Variants in CCSER1 observed in about 807,000 individuals in gnomAD.
The protein encoded by CCSER1 is serine-rich coiled-coil domain-containing protein 1.
Under a neutral mutation model 82.0 loss-of-function variants are expected in CCSER1, and 41 were observed. The ratio of observed to expected loss-of-function variants is 0.50; its 90% CI spans 0.39 to 0.65. The LOEUF is 0.65. CCSER1 is among the 30% of genes least tolerant of loss of function. CCSER1 has a pLI of 0.00. For synonymous variants in CCSER1, 414 were observed against 383.9 expected, an observed-to-expected ratio of 1.08 and a Z score of -0.92; for missense variants, 1,119 against 1,064.2, an observed-to-expected ratio of 1.05 and a Z score of -0.72.
At chr4:90,814,920 C>T (rs1293304521) in intron 7 of CCSER1, among the ~76,000 whole-genome samples, 1 of 152,148 alleles carries the variant, frequency 6.6e-6, no homozygotes, top group Non-Finnish European at 1.5e-5. Context: ...CAACCTCTGC[C>T]CATTACCCAG....
chr4:90,895,426 TG>T (rs1723562439), intron 8 of CCSER1, among the ~76,000 whole-genome samples: 3 of 152,042 alleles, frequency 2.0e-5, no homozygotes, highest in African/African-American at 7.2e-5. Flanking sequence ...TACAAGAGAT[TG>T]GTAACATTAG....
chr4:90,729,912 A>C (rs1365447490), intron 7 of CCSER1, among the ~76,000 whole-genome samples: 1 of 152,092 alleles, frequency 6.6e-6, no homozygotes, highest in African/African-American at 2.4e-5. Flanking sequence ...TAAAATAACA[A>C]AAGAACATAT....
intron 4 of CCSER1, among the ~76,000 whole-genome samples, chr4:90,413,787 CAA>C (rs546585733): frequency 1.4e-5 from 2 of 138,550 alleles, no homozygotes; most frequent in Non-Finnish European, 3.1e-5. Flanking sequence ...ACTAAAAATA[CAA>C]AAAAAAAAAA....
At position 91,602,750 on chromosome 4, in the gene CCSER1, A is replaced by C. The variant is rs1053797383; in HGVS notation, c.*3693A>C. 6.6e-6 allele frequency among the ~76,000 whole-genome samples: 1 copy of C among 152,056 alleles called. No individual in the cohort carries two copies. Among genetic ancestry groups the C allele is most frequent in the Non-Finnish European group, 1.5e-5 (1 of 67,954 alleles). Reference sequence around the variant, plus strand: ...GAAACTAGAAAAGAAAGGGCAATACATGTGAAGATGATATCTATGATTGCC... The same window carrying C: ...GAAACTAGAAAAGAAAGGGCAATACCTGTGAAGATGATATCTATGATTGCC... On this transcript the variant is annotated 3_prime_UTR_variant, in exon 11 of 11. Coordinates refer to ENST00000509176, the MANE Select transcript of CCSER1 (RefSeq NM_001145065.2).
intron 1 of CCSER1, among the ~76,000 whole-genome samples, chr4:90,205,190 C>G (rs758278120): frequency 1.3e-5 from 2 of 152,182 alleles, no homozygotes; most frequent in Non-Finnish European, 1.5e-5. Flanking sequence ...TTATTTCTTT[C>G]TCTTGCCTGA....
intron 1 of CCSER1, among the ~76,000 whole-genome samples, chr4:90,246,926 C>T (rs904569168): frequency 1.3e-4 from 19 of 151,880 alleles, no homozygotes; most frequent in Admixed American, 9.2e-4. Context: ...AAACACTTTG[C>T]GGCTTCTCTT....
intron 8 of CCSER1, chr4:90,918,193 G>A (rs1415127465): frequency 2.2e-6 from 1 of 448,512 alleles, no homozygotes; most frequent in African/African-American, 2.0e-5. Flanking sequence ...TCTGTTAATT[G>A]TATTAATTAA....
rs115491909 is a variant in CCSER1, at chr4:90,385,056, A to G, written c.1510-14980A>G. ...TTCTATCCATGTTGTTGCAAAAGAC[A>G]TTATTTCATTCTTTTTTATGGATGA... On this transcript the variant is annotated intron_variant, in intron 3 of 10. Transcript: ENST00000509176. Among the ~76,000 whole-genome samples, 352 of 152,292 alleles carry G rather than the reference A, an allele frequency of 2.3e-3. 4 individuals carry two copies. The South Asian group carries it at 0.026, about 11-fold the overall frequency.
At position 91,155,068 on chromosome 4, in the gene CCSER1, A is replaced by G. The variant is rs186471055; in HGVS notation, c.2217+69074A>G. Reference sequence around the variant, plus strand: ...AAATCCTAAAACCTAGAGGCTTAAAAGAATATCCCATAATTCTTTGGGCTT... The same window carrying G: ...AAATCCTAAAACCTAGAGGCTTAAAGGAATATCCCATAATTCTTTGGGCTT... On this transcript the variant is annotated intron_variant, in intron 10 of 10. Coordinates refer to ENST00000509176, the MANE Select transcript of CCSER1 (RefSeq NM_001145065.2). 4.6e-5 allele frequency among the ~76,000 whole-genome samples: 7 copies of G among 152,028 alleles called. No individual in the cohort carries two copies. In the East Asian group the frequency reaches 1.4e-3, roughly 29 times the overall value.
At chr4:91,336,756 A>G (rs981304772) in intron 10 of CCSER1, among the ~76,000 whole-genome samples, 6 of 152,078 alleles carry the variant, frequency 3.9e-5, no homozygotes, top group Non-Finnish European at 8.8e-5. Flanking sequence ...TAACAAAAAC[A>G]TTACTTTTAT....
intron 5 of CCSER1, among the ~76,000 whole-genome samples, chr4:90,571,244 A>G (rs778802216): frequency 1.3e-5 from 2 of 152,204 alleles, no homozygotes; most frequent in Non-Finnish European, 2.9e-5. Context: ...TACCCAAAGG[A>G]AAATAAATTG....
intron 7 of CCSER1, among the ~76,000 whole-genome samples, chr4:90,784,231 C>G (rs1026604965): frequency 6.6e-6 from 1 of 152,112 alleles, no homozygotes; most frequent in Admixed American, 6.5e-5. Flanking sequence ...TTCATATGCA[C>G]GTGACTAGCT....
intron 10 of CCSER1, among the ~76,000 whole-genome samples, chr4:91,296,485 A>ATATATATATATATTT (rs1365247761): frequency 7.1e-6 from 1 of 140,984 alleles, no homozygotes; most frequent in African/African-American, 2.7e-5. Context: ...ATATATATAT[A>ATATATATATATATTT]TTTTAATTAA....
At chr4:91,042,302 G>A (rs1246499849) in intron 9 of CCSER1, among the ~76,000 whole-genome samples, 1 of 152,132 alleles carries the variant, frequency 6.6e-6, no homozygotes. Flanking sequence ...GCTGCCTTGT[G>A]AAGGAGGTGC....
chr4:90,509,380 G>A (rs1206793097), intron 5 of CCSER1, among the ~76,000 whole-genome samples: 2 of 152,048 alleles, frequency 1.3e-5, no homozygotes, highest in East Asian at 1.9e-4. Flanking sequence ...TAAGAGTGAT[G>A]CATTGTTCCA....
intron 10 of CCSER1, among the ~76,000 whole-genome samples, chr4:91,172,874 CATATT>C (rs1732910328): frequency 6.6e-6 from 1 of 151,944 alleles, no homozygotes; most frequent in Admixed American, 6.6e-5. Context: ...ATAGAAGAAA[CATATT>C]AAACATACTG....
intron 10 of CCSER1, among the ~76,000 whole-genome samples, chr4:91,114,443 T>A (rs2148878633): frequency 6.6e-6 from 1 of 152,268 alleles, no homozygotes; most frequent in South Asian, 2.1e-4. Flanking sequence ...GCCTGCTCAG[T>A]CAAGATGTCA....
intron 1 of CCSER1, among the ~76,000 whole-genome samples, chr4:90,192,545 C>G (rs958313254): frequency 6.6e-6 from 1 of 151,956 alleles, no homozygotes; most frequent in Non-Finnish European, 1.5e-5. Context: ...GTTGTATGAC[C>G]TTGTAAAAGA....
intron 10 of CCSER1, among the ~76,000 whole-genome samples, chr4:91,404,526 G>C (rs955808333): frequency 1.3e-5 from 2 of 152,022 alleles, no homozygotes; most frequent in Non-Finnish European, 2.9e-5. Flanking sequence ...TCTCTTGTGG[G>C]CATTAAGTGC....
Sources: gnomAD v4.1 joint callset for allele counts (sites outside exome capture counted in the v4.1 genomes callset) on GRCh38, gnomAD v4.1.1 for gene constraint, MANE v1.5 for transcripts, NCBI Gene and HGNC (gene_info 2026-07-23, HGNC 2026-07-21) for gene names.